The following GAB2 variants were observed in gnomAD, a reference collection of about 807,000 sequenced individuals.
GAB2 encodes the protein GRB2-associated-binding protein 2.
A neutral mutation model predicts 65.5 loss-of-function variants in GAB2; 26 were observed. The observed-to-expected ratio is 0.40, with a 90% CI of 0.29 to 0.55. The LOEUF is 0.55. GAB2 is among the 20% of genes least tolerant of loss of function. GAB2 has a pLI of 0.53. For synonymous variants in GAB2, 321 were observed against 329.6 expected, an observed-to-expected ratio of 0.97 and a Z score of 0.28; for missense variants, 884 against 875.8, an observed-to-expected ratio of 1.01 and a Z score of -0.12.
At chr11:78,248,288 G>A (rs927537875) in intron 3 of GAB2, among the ~76,000 whole-genome samples, 2 of 152,266 alleles carry the variant, frequency 1.3e-5, no homozygotes, top group East Asian at 1.9e-4. Flanking sequence ...ATGTTTCTAC[G>A]TTTGTTCTCT....
chr11:78,387,075 T>G (rs1856777667), intron 1 of GAB2, among the ~76,000 whole-genome samples: 1 of 152,196 alleles, frequency 6.6e-6, no homozygotes, highest in African/African-American at 2.4e-5. Flanking sequence ...GGGGACTCAC[T>G]TTGTCACCCA....
intron 1 of GAB2, among the ~76,000 whole-genome samples, chr11:78,412,477 T>G (rs894419611): frequency 1.3e-5 from 2 of 152,180 alleles, no homozygotes; most frequent in Admixed American, 6.5e-5. Context: ...AGATTAGTAG[T>G]TGTCACAGAT....
At chr11:78,310,702 C>T (rs1284672907) in intron 1 of GAB2, among the ~76,000 whole-genome samples, 2 of 152,048 alleles carry the variant, frequency 1.3e-5, no homozygotes, top group Admixed American at 1.3e-4. Flanking sequence ...TTCACCAAGG[C>T]GAACCGCAGC....
At chr11:78,231,432 T>C (rs1343227703) in intron 3 of GAB2, among the ~76,000 whole-genome samples, 1 of 151,294 alleles carries the variant, frequency 6.6e-6, no homozygotes, top group African/African-American at 2.4e-5. Context: ...CACTGCAACC[T>C]CCGCCTCCTG....
chr11:78,296,997 C>T (rs1354355087), intron 1 of GAB2, among the ~76,000 whole-genome samples: 1 of 152,192 alleles, frequency 6.6e-6, no homozygotes, highest in African/African-American at 2.4e-5. Context: ...AATCACCTCC[C>T]AAAGGCCCCA....
intron 1 of GAB2, among the ~76,000 whole-genome samples, chr11:78,392,813 T>C (rs1856850893): frequency 6.6e-6 from 1 of 152,238 alleles, no homozygotes; most frequent in Non-Finnish European, 1.5e-5. Context: ...TGAACTCCTG[T>C]TCACTCTTCA....
intron 1 of GAB2, among the ~76,000 whole-genome samples, chr11:78,318,385 A>AAAAAAAAAAAAC (rs1855657540): frequency 6.8e-6 from 1 of 146,342 alleles, no homozygotes; most frequent in African/African-American, 2.5e-5. Flanking sequence ...AAAAAAAAAA[A>AAAAAAAAAAAAC]AGCTGTGAAA....
At chr11:78,377,535 C>A (rs1222531166) in intron 1 of GAB2, among the ~76,000 whole-genome samples, 1 of 152,124 alleles carries the variant, frequency 6.6e-6, no homozygotes, top group Non-Finnish European at 1.5e-5. Flanking sequence ...GCAGGGAGTA[C>A]AGGGGACCGG....
intron 1 of GAB2, among the ~76,000 whole-genome samples, chr11:78,383,650 C>A (rs554408807): frequency 6.7e-6 from 1 of 150,352 alleles, no homozygotes; most frequent in African/African-American, 2.5e-5. Flanking sequence ...GCCAGCTACT[C>A]GAGAGGCTGA....
chr11:78,399,207 A>G (rs1856939649), intron 1 of GAB2, among the ~76,000 whole-genome samples: 1 of 152,222 alleles, frequency 6.6e-6, no homozygotes, highest in South Asian at 2.1e-4. Context: ...AGTGGCATCA[A>G]GCCTGCACCA....
At chr11:78,399,158 G>A (rs114343469) in intron 1 of GAB2, among the ~76,000 whole-genome samples, 1 of 152,140 alleles carries the variant, frequency 6.6e-6, no homozygotes, top group Non-Finnish European at 1.5e-5. Context: ...GAATATCAGC[G>A]ACTTCTGAAA....
chr11:78,370,725 A>ATGTGTGTGTGTGTGTGTG (rs113823389), intron 1 of GAB2, among the ~76,000 whole-genome samples: 50 of 148,784 alleles, frequency 3.4e-4, no homozygotes, highest in Admixed American at 2.7e-3. Context: ...GTGTGTGTGT[A>ATGTGTGTGTGTGTGTGTG]TGTGTGTGTG....
chr11:78,238,816 A>G (rs1196046148), intron 3 of GAB2, among the ~76,000 whole-genome samples: 1 of 152,212 alleles, frequency 6.6e-6, no homozygotes, highest in Non-Finnish European at 1.5e-5. Flanking sequence ...CTGTGTTTCA[A>G]AGAACATATC....
At chr11:78,416,533 T>C (rs1305076852) in intron 1 of GAB2, among the ~76,000 whole-genome samples, 7 of 152,212 alleles carry the variant, frequency 4.6e-5, no homozygotes, top group African/African-American at 1.7e-4. Context: ...GCACTGCAGC[T>C]GGAGGCAACG....
chr11:78,284,217 T>C (rs1866411541), intron 1 of GAB2, among the ~76,000 whole-genome samples: 2 of 152,210 alleles, frequency 1.3e-5, no homozygotes, highest in South Asian at 2.1e-4. Context: ...GTTCAGAATA[T>C]ATCAACAATG....
chr11:78,222,272 G>A, intron 6 of GAB2, 77 bp from the exon 7 acceptor site: 9 of 920,740 alleles, frequency 9.8e-6, no homozygotes, highest in Admixed American at 1.8e-5. Context: ...TATAACACAT[G>A]AGCATGTTTA....
chr11:78,240,624 G>A (rs891075289), intron 3 of GAB2, among the ~76,000 whole-genome samples: 1 of 152,126 alleles, frequency 6.6e-6, no homozygotes, highest in Non-Finnish European at 1.5e-5. Flanking sequence ...GGACCATGTA[G>A]AGTCACTGCT....
chr11:78,302,614 T>C (rs1474299544), intron 1 of GAB2, among the ~76,000 whole-genome samples: 1 of 152,106 alleles, frequency 6.6e-6, no homozygotes, highest in Non-Finnish European at 1.5e-5. Context: ...TGGAAAACAG[T>C]GTGAAGATTC....
At chr11:78,309,977 C>T (rs969104002) in intron 1 of GAB2, among the ~76,000 whole-genome samples, 52 of 137,984 alleles carry the variant, frequency 3.8e-4, no homozygotes, top group African/African-American at 1.3e-3. Context: ...TGTGTGCGCG[C>T]GCGCCTGTGT....
Sources: allele counts gnomAD v4.1 joint callset (sites outside exome capture counted in the v4.1 genomes callset), GRCh38; gene constraint gnomAD v4.1.1; transcripts MANE v1.5; gene names NCBI Gene and HGNC (gene_info 2026-07-23, HGNC 2026-07-21).